Variants in SIPA1L3 observed in about 807,000 individuals in gnomAD.
SIPA1L3 encodes the protein signal induced proliferation associated 1 like 3.
In SIPA1L3, 59 loss-of-function variants were observed where a neutral mutation model predicts 150.1. The observed-to-expected ratio is 0.39, with a 90% CI of 0.32 to 0.49. The LOEUF (loss-of-function observed/expected upper bound fraction) is 0.49. Ranked by LOEUF, SIPA1L3 falls within the 20% of genes least tolerant of loss-of-function variation. The probability of loss-of-function intolerance (pLI) is 0.86; values close to 1 mark genes in which losing one functional copy is unlikely to be tolerated. For synonymous variants in SIPA1L3, 1,070 were observed against 1,077.6 expected, an observed-to-expected ratio of 0.99 and a Z score of 0.14; for missense variants, 2,211 against 2,489.5, an observed-to-expected ratio of 0.89 and a Z score of 2.38.
At chr19:38,185,328 A>G (rs1972654590) in intron 16 of SIPA1L3, 1 of 152,226 alleles carries the variant, frequency 6.6e-6, no homozygotes. Flanking sequence ...CGTGACCCCA[A>G]TAAGTAGATA....
intron 3 of SIPA1L3, among the ~76,000 whole-genome samples, chr19:38,085,894 G>A (rs531533046): frequency 1.4e-3 from 207 of 152,252 alleles, no homozygotes; most frequent in African/African-American, 4.7e-3. Context: ...TACTTGGGAG[G>A]CTGAGGCCGG....
chr19:37,951,592 A>T (rs1324971250), intron 1 of SIPA1L3, among the ~76,000 whole-genome samples: 3 of 152,178 alleles, frequency 2.0e-5, no homozygotes, highest in Non-Finnish European at 4.4e-5. Context: ...GAAGTGGGAA[A>T]AAAAACAACT....
chr19:38,121,987 G>A (rs4803786), intron 9 of SIPA1L3, among the ~76,000 whole-genome samples: 22,497 of 152,024 alleles, frequency 0.15, 1,729 homozygotes, highest in African/African-American at 0.18. Flanking sequence ...TGGGGAGGCC[G>A]AGGTGGATGG....
At chr19:37,979,559 A>C (rs1242449299) in intron 1 of SIPA1L3, among the ~76,000 whole-genome samples, 2 of 84,804 alleles carry the variant, frequency 2.4e-5, no homozygotes, top group Non-Finnish European at 4.1e-5. Flanking sequence ...TCTGTCTCAA[A>C]AAAAAAAAAA....
intron 15 of SIPA1L3, among the ~76,000 whole-genome samples, chr19:38,178,016 T>A (rs1446090743): frequency 2.0e-5 from 3 of 151,808 alleles, no homozygotes; most frequent in Non-Finnish European, 4.4e-5. Context: ...CATTTCCAAC[T>A]TTTCCTGATT....
chr19:37,916,441 T>TGAGCCCA (rs1289160322), intron 1 of SIPA1L3, among the ~76,000 whole-genome samples: 1 of 148,356 alleles, frequency 6.7e-6, no homozygotes, highest in Non-Finnish European at 1.5e-5. Context: ...TACCACACCT[T>TGAGCCCA]GAGCCCAGGA....
chr19:37,924,145 C>G (rs2046480761), intron 1 of SIPA1L3, among the ~76,000 whole-genome samples: 1 of 152,074 alleles, frequency 6.6e-6, no homozygotes, highest in South Asian at 2.1e-4. Flanking sequence ...TTCTTTATAT[C>G]TTTATTCTGT....
chr19:38,003,712 G>C (rs1368926545), intron 1 of SIPA1L3, among the ~76,000 whole-genome samples: 1 of 152,176 alleles, frequency 6.6e-6, no homozygotes, highest in Non-Finnish European at 1.5e-5. Flanking sequence ...CTGCCATGTG[G>C]CGGTTTCTCT....
intron 1 of SIPA1L3, among the ~76,000 whole-genome samples, chr19:37,956,801 AT>A (rs1297183161): frequency 2.6e-5 from 4 of 152,106 alleles, no homozygotes; most frequent in African/African-American, 9.7e-5. Flanking sequence ...AAAGTTTTTA[AT>A]TTTGGAAATT....
intron 15 of SIPA1L3, among the ~76,000 whole-genome samples, chr19:38,169,345 C>T (rs959148700): frequency 2.6e-5 from 4 of 151,956 alleles, no homozygotes; most frequent in South Asian, 4.1e-4. Context: ...GCCGAGATCA[C>T]GCCATTGCAC....
intron 6 of SIPA1L3, 62 bp downstream of exon 6, chr19:38,101,288 G>T (rs1333573983): frequency 4.0e-6 from 5 of 1,264,412 alleles, no homozygotes; most frequent in Non-Finnish European, 4.2e-6. Context: ...AACAGGCAAA[G>T]CTTAAAAGGC....
At chr19:37,921,064 C>G (rs1430197853) in intron 1 of SIPA1L3, among the ~76,000 whole-genome samples, 1 of 152,202 alleles carries the variant, frequency 6.6e-6, no homozygotes, top group African/African-American at 2.4e-5. Context: ...GAACCGGAAT[C>G]CAGTCTTTGG....
rs1970313462 is a variant in SIPA1L3, at chr19:38,093,666, A to T, written c.1665+4815A>T. ...CTTGGGGTCCTGTAAACCAGGGCAT[A>T]GGGGCCAGAGCGAGAGGTCTGGGCT... On this transcript the variant is annotated intron_variant, in intron 4 of 21. Transcript: ENST00000222345. Among the ~76,000 whole-genome samples, 4 of 151,994 alleles carry T rather than the reference A, an allele frequency of 2.6e-5. No individual in the cohort carries two copies. In the South Asian group the frequency reaches 6.2e-4, roughly 24 times the overall value.
At chr19:38,092,874 TC>T (rs905674302) in intron 4 of SIPA1L3, among the ~76,000 whole-genome samples, 1 of 123,292 alleles carries the variant, frequency 8.1e-6, no homozygotes, top group African/African-American at 2.9e-5. Flanking sequence ...TTTTTTTTTT[TC>T]CCGAGACGGA....
intron 1 of SIPA1L3, among the ~76,000 whole-genome samples, chr19:37,948,191 C>T (rs757705322): frequency 6.6e-6 from 1 of 152,160 alleles, no homozygotes; most frequent in African/African-American, 2.4e-5. Context: ...AGGCAATGTT[C>T]TGGGGCTATT....
At chr19:37,991,499 G>A (rs1021693367) in intron 1 of SIPA1L3, among the ~76,000 whole-genome samples, 2 of 152,236 alleles carry the variant, frequency 1.3e-5, no homozygotes, top group Admixed American at 1.3e-4. Flanking sequence ...AGGCCATGGA[G>A]GAAAACCTGA....
At chr19:38,064,223 C>T (rs1176450536) in intron 2 of SIPA1L3, among the ~76,000 whole-genome samples, 2 of 152,230 alleles carry the variant, frequency 1.3e-5, no homozygotes, top group Non-Finnish European at 2.9e-5. Context: ...TTAACCCAGC[C>T]AACCCCACAG....
At chr19:38,195,845 C>T (rs926299945) in intron 18 of SIPA1L3, among the ~76,000 whole-genome samples, 3 of 144,852 alleles carry the variant, frequency 2.1e-5, no homozygotes, top group African/African-American at 7.6e-5. Context: ...CTACTCACCG[C>T]CTTGTATCCC....
At chr19:38,115,628 C>G (rs1174462314) in intron 8 of SIPA1L3, among the ~76,000 whole-genome samples, 2 of 152,168 alleles carry the variant, frequency 1.3e-5, no homozygotes, top group East Asian at 3.9e-4. Context: ...CTGGCCTTCC[C>G]TAGTCGGCTG....
Sources: allele counts gnomAD v4.1 joint callset (sites outside exome capture counted in the v4.1 genomes callset), GRCh38; gene constraint gnomAD v4.1.1; transcripts MANE v1.5; gene names NCBI Gene and HGNC (gene_info 2026-07-23, HGNC 2026-07-21).